ANKRD31: variants seen among roughly 807,000 people sequenced by gnomAD.
The protein encoded by ANKRD31 is ankyrin repeat domain-containing protein 31.
A neutral mutation model predicts 186.0 loss-of-function variants in ANKRD31; 147 were observed. That is an observed-to-expected ratio of 0.79 (90% CI 0.69 to 0.91). The LOEUF is 0.91. Among genes scored for constraint, ANKRD31 ranks in the 40% least tolerant of loss-of-function variants. The pLI is 0.00. For synonymous variants in ANKRD31, 673 were observed against 736.4 expected, an observed-to-expected ratio of 0.91 and a Z score of 1.39; for missense variants, 1,986 against 2,148.8, an observed-to-expected ratio of 0.92 and a Z score of 1.50.
chr5:75,174,415 GAA>G (rs1008329646), intron 10 of ANKRD31, among the ~76,000 whole-genome samples: 1 of 152,124 alleles, frequency 6.6e-6, no homozygotes, highest in African/African-American at 2.4e-5. Flanking sequence ...CACAGGAAAA[GAA>G]ACTACCATCA....
intron 11 of ANKRD31, among the ~76,000 whole-genome samples, chr5:75,163,122 G>A (rs1158316294): frequency 2.0e-5 from 3 of 152,160 alleles, no homozygotes; most frequent in Admixed American, 6.6e-5. Context: ...TTTTGTTAGA[G>A]TATATTCCAT....
chr5:75,081,516 G>A (rs1386282165), intron 24 of ANKRD31, among the ~76,000 whole-genome samples: 1 of 152,174 alleles, frequency 6.6e-6, no homozygotes, highest in Non-Finnish European at 1.5e-5. Context: ...ACCTATCTAG[G>A]GTTGGAAATG....
intron 10 of ANKRD31, among the ~76,000 whole-genome samples, chr5:75,171,456 C>A (rs1178591744): frequency 6.6e-6 from 1 of 151,840 alleles, no homozygotes; most frequent in Non-Finnish European, 1.5e-5. Flanking sequence ...CTGTGAGATG[C>A]AACTATTAAA....
At chr5:75,190,304 A>C (rs1755017157) in intron 9 of ANKRD31, among the ~76,000 whole-genome samples, 1 of 152,156 alleles carries the variant, frequency 6.6e-6, no homozygotes, top group Non-Finnish European at 1.5e-5. Flanking sequence ...TCTAGGCATG[A>C]GCCACTGCAC....
intron 19 of ANKRD31, among the ~76,000 whole-genome samples, chr5:75,114,763 CA>C (rs1252173265): frequency 2.6e-5 from 4 of 152,120 alleles, no homozygotes; most frequent in African/African-American, 4.8e-5. Flanking sequence ...AAAGAGGATA[CA>C]AACAAATGGA....
intron 10 of ANKRD31, among the ~76,000 whole-genome samples, chr5:75,182,642 C>T (rs1001382904): frequency 8.6e-5 from 13 of 151,520 alleles, no homozygotes; most frequent in Middle Eastern, 6.8e-3. Flanking sequence ...TCTCTTGAAC[C>T]TGGGAGGGGA....
chr5:75,099,360 G>A (rs1191422417), intron 22 of ANKRD31, among the ~76,000 whole-genome samples: 9 of 152,044 alleles, frequency 5.9e-5, no homozygotes, highest in African/African-American at 1.2e-4. Flanking sequence ...TTTTTGCATC[G>A]ATGTTCATCA....
intron 10 of ANKRD31, among the ~76,000 whole-genome samples, chr5:75,174,014 C>G (rs1453458156): frequency 6.6e-6 from 1 of 152,106 alleles, no homozygotes; most frequent in African/African-American, 2.4e-5. Context: ...CAGCATGGTA[C>G]TCGTACCAAA....
chr5:75,114,929 A>G (rs1748088835), intron 19 of ANKRD31, among the ~76,000 whole-genome samples: 1 of 152,194 alleles, frequency 6.6e-6, no homozygotes, highest in Non-Finnish European at 1.5e-5. Flanking sequence ...TATGGAACCA[A>G]AAAAGAGCCC....
At chr5:75,231,698 C>G (rs112223361) in intron 1 of ANKRD31, among the ~76,000 whole-genome samples, 1 of 152,060 alleles carries the variant, frequency 6.6e-6, no homozygotes, top group African/African-American at 2.4e-5. Flanking sequence ...ATCAAAACCA[C>G]GAAGATACCA....
intron 24 of ANKRD31, 43 bp downstream of exon 24, chr5:75,084,229 G>A: frequency 1.4e-6 from 2 of 1,417,372 alleles, no homozygotes; most frequent in South Asian, 1.3e-5. Flanking sequence ...AGGTTTTGGT[G>A]TTTTATCCCA....
At chr5:75,167,593 A>G (rs1432937789) in intron 11 of ANKRD31, among the ~76,000 whole-genome samples, 1 of 152,210 alleles carries the variant, frequency 6.6e-6, no homozygotes, top group East Asian at 1.9e-4. Context: ...GGAGGATTGC[A>G]AGAGGGAATG....
chr5:75,117,997 A>G (rs1580359310), intron 18 of ANKRD31, 138 bp downstream of exon 18: 5 of 651,912 alleles, frequency 7.7e-6, no homozygotes, highest in Non-Finnish European at 1.1e-5. Context: ...TCTAAAAATA[A>G]ATAATGGCTT....
At chr5:75,075,578 A>G (rs1417117747) in intron 25 of ANKRD31, among the ~76,000 whole-genome samples, 3 of 152,204 alleles carry the variant, frequency 2.0e-5, no homozygotes, top group Non-Finnish European at 4.4e-5. Context: ...GTTGTATAAA[A>G]TACAGGAAGT....
At position 75,179,636 on chromosome 5, in the gene ANKRD31, C is replaced by T. The variant is rs565498439; in HGVS notation, c.1564+8857G>A. Among the ~76,000 whole-genome samples, 11 of 151,482 alleles carry T rather than the reference C, an allele frequency of 7.3e-5. No individual in the cohort carries two copies. In the South Asian group the frequency reaches 2.3e-3, roughly 32 times the overall value. ...TAAACAGAACCAAAGACAAAAACCA[C>T]GATTATCTCAATAGATGCAGAAAAG... On this transcript the variant is annotated intron_variant, in intron 10 of 25. Transcript: ENST00000506364.
At chr5:75,184,846 T>A (rs749075401) in intron 10 of ANKRD31, among the ~76,000 whole-genome samples, 1 of 152,044 alleles carries the variant, frequency 6.6e-6, no homozygotes, top group Non-Finnish European at 1.5e-5. Context: ...TAACCAGCAA[T>A]CCTACTACTT....
At chr5:75,147,755 T>C (rs1041635288) in intron 13 of ANKRD31, among the ~76,000 whole-genome samples, 2 of 151,942 alleles carry the variant, frequency 1.3e-5, no homozygotes, top group Non-Finnish European at 2.9e-5. Flanking sequence ...AGATTTTAAT[T>C]CCTTCTTGCC....
chr5:75,223,053 C>T (rs144578005), intron 2 of ANKRD31, among the ~76,000 whole-genome samples: 8 of 152,274 alleles, frequency 5.3e-5, no homozygotes, highest in Middle Eastern at 3.4e-3. Flanking sequence ...AATTTACATT[C>T]GCACCAACAG....
intron 22 of ANKRD31, 25 bp downstream of exon 22, chr5:75,104,203 T>C (rs1292218865): frequency 6.9e-7 from 1 of 1,446,660 alleles, no homozygotes; most frequent in Non-Finnish European, 9.1e-7. Context: ...ATTTGCATGA[T>C]TTTAGAGAAA....
Sources: gnomAD v4.1 joint callset for allele counts (sites outside exome capture counted in the v4.1 genomes callset) on GRCh38, gnomAD v4.1.1 for gene constraint, MANE v1.5 for transcripts, NCBI Gene and HGNC (gene_info 2026-07-23, HGNC 2026-07-21) for gene names.